The following TMEM132C variants were observed in gnomAD, a reference collection of about 807,000 sequenced individuals.
TMEM132C encodes protein phosphatase 1, regulatory subunit 152.
In TMEM132C, 29 loss-of-function variants were observed where a neutral mutation model predicts 61.4. That is an observed-to-expected ratio of 0.47 (90% CI 0.35 to 0.64). The LOEUF (loss-of-function observed/expected upper bound fraction) is 0.64. Among genes scored for constraint, TMEM132C ranks in the 30% least tolerant of loss-of-function variants. TMEM132C has a pLI of 0.00. For synonymous variants in TMEM132C, 656 were observed against 633.1 expected (o/e 1.04, Z -0.54); for missense variants, 1,408 against 1,476.9 (o/e 0.95, Z 0.76).
intron 1 of TMEM132C, among the ~76,000 whole-genome samples, chr12:128,334,390 C>G (rs2135948047): frequency 6.6e-6 from 1 of 152,310 alleles, no homozygotes; most frequent in African/African-American, 2.4e-5. Context: ...ATTCTCATTC[C>G]TCAGTGCCAG....
intron 2 of TMEM132C, among the ~76,000 whole-genome samples, chr12:128,506,657 G>A (rs1349784052): frequency 6.6e-6 from 1 of 152,152 alleles, no homozygotes; most frequent in African/African-American, 2.4e-5. Flanking sequence ...CCCTTCCTCT[G>A]AAAATGCTGC....
intron 2 of TMEM132C, among the ~76,000 whole-genome samples, chr12:128,470,311 TTTGTC>T: frequency 6.6e-6 from 1 of 152,312 alleles, no homozygotes; most frequent in South Asian, 2.1e-4. Context: ...CAAAGAGGCA[TTTGTC>T]GCGTGTCCTC....
intron 3 of TMEM132C, among the ~76,000 whole-genome samples, chr12:128,591,876 AC>A (rs1875762845): frequency 6.6e-6 from 1 of 151,594 alleles, no homozygotes; most frequent in South Asian, 2.1e-4. Flanking sequence ...ATGTGATGAA[AC>A]CCCATCTCTA....
intron 3 of TMEM132C, among the ~76,000 whole-genome samples, chr12:128,611,324 C>T (rs1876626978): frequency 6.6e-6 from 1 of 152,054 alleles, no homozygotes; most frequent in Non-Finnish European, 1.5e-5. Context: ...TCACTTTTTT[C>T]CTTCCTTCTC....
intron 5 of TMEM132C, among the ~76,000 whole-genome samples, chr12:128,685,497 T>G (rs143130576): frequency 2.6e-5 from 4 of 152,194 alleles, no homozygotes; most frequent in African/African-American, 9.6e-5. Flanking sequence ...ACTGAGAGAT[T>G]GTATTAATAG....
chr12:128,400,957 A>G (rs1875139392), intron 1 of TMEM132C, among the ~76,000 whole-genome samples: 1 of 152,074 alleles, frequency 6.6e-6, no homozygotes, highest in Non-Finnish European at 1.5e-5. Context: ...AGACATTGTA[A>G]AATGTACCCT....
In TMEM132C at chr12:128,343,173, C is replaced by T. The variant is rs1030047618; in HGVS notation, c.86-71559C>T. ...AGGTGCGATGGCTCATGCCTGTAAT[C>T]CCAGCACTTTGGGAGGCCGAGACGG... On this transcript the variant is annotated intron_variant, in intron 1 of 8. Transcript: ENST00000435159. 3.3e-5 allele frequency among the ~76,000 whole-genome samples: 5 copies of T among 152,254 alleles called. No homozygotes were observed. The East Asian group carries it at 9.7e-4, about 29-fold the overall frequency.
chr12:128,556,107 A>AC (rs566274302), intron 3 of TMEM132C, among the ~76,000 whole-genome samples: 20 of 152,282 alleles, frequency 1.3e-4, no homozygotes, highest in Middle Eastern at 3.4e-3. Context: ...GGAGAGGAAC[A>AC]GTTGAGGAGA....
chr12:128,481,553 T>C (rs1346400329), intron 2 of TMEM132C, among the ~76,000 whole-genome samples: 2 of 152,194 alleles, frequency 1.3e-5, no homozygotes, highest in Non-Finnish European at 2.9e-5. Context: ...GCCGTGCGGA[T>C]GAGAGAGCTG....
At chr12:128,304,990 C>T (rs1276860282) in intron 1 of TMEM132C, among the ~76,000 whole-genome samples, 4 of 151,944 alleles carry the variant, frequency 2.6e-5, no homozygotes, top group Admixed American at 1.3e-4. Flanking sequence ...AGAGGAGGGG[C>T]GAGGAAAGGG....
intron 4 of TMEM132C, among the ~76,000 whole-genome samples, chr12:128,620,716 A>C (rs1055489234): frequency 2.0e-5 from 3 of 152,152 alleles, no homozygotes; most frequent in South Asian, 4.2e-4. Flanking sequence ...AAAAGTTTCA[A>C]ATCATTGCCA....
At chr12:128,631,167 G>A (rs369124446) in intron 4 of TMEM132C, among the ~76,000 whole-genome samples, 167 of 152,328 alleles carry the variant, frequency 1.1e-3, no homozygotes, top group South Asian at 7.9e-3. Flanking sequence ...GCTTTTGGTC[G>A]TAATGGTCTG....
chr12:128,328,123 G>T (rs1294448113), intron 1 of TMEM132C, among the ~76,000 whole-genome samples: 1 of 152,044 alleles, frequency 6.6e-6, no homozygotes, highest in Admixed American at 6.6e-5. Context: ...GTGGAGCTTA[G>T]AATTTTATTT....
chr12:128,617,051 A>C (rs1201141002), intron 4 of TMEM132C, among the ~76,000 whole-genome samples: 2 of 152,230 alleles, frequency 1.3e-5, no homozygotes, highest in Non-Finnish European at 1.5e-5. Flanking sequence ...TGTAAGTTTA[A>C]AAGTCTAGAA....
At chr12:128,457,224 C>T (rs1235204715) in intron 2 of TMEM132C, among the ~76,000 whole-genome samples, 3 of 151,120 alleles carry the variant, frequency 2.0e-5, no homozygotes, top group Non-Finnish European at 4.4e-5. Context: ...AGTGGTTTTA[C>T]ACCACTTGGC....
rs141601870 is a variant in TMEM132C at position 128,464,346 on chromosome 12, G to A, written c.974+48726G>A. On this transcript the variant is annotated intron_variant, in intron 2 of 8. Transcript: ENST00000435159. ...TACAGTTGGCCCTCCCCACATCCTA[G>A]TTGGGGGTGGATGATATTCAGCATG... Among the ~76,000 whole-genome samples the A allele has an allele frequency of 9.8e-5, 15 of 152,314 alleles. No homozygotes were observed. The East Asian group carries it at 1.5e-3, about 16-fold the overall frequency.
chr12:128,303,971 A>G (rs1306132238), intron 1 of TMEM132C, among the ~76,000 whole-genome samples: 2 of 152,176 alleles, frequency 1.3e-5, no homozygotes, highest in South Asian at 2.1e-4. Context: ...TTCTTGACCA[A>G]CGAGACCCAA....
rs375117890 is a variant in TMEM132C, at chr12:128,657,357, A to G, written c.1306-12060A>G. On this transcript the variant is annotated intron_variant, in intron 4 of 8. Transcript: ENST00000435159. ...AATATTATCCCAGCAAACAGATTTC[A>G]TCATTGTTTGGTAGCTAGAAAAGCT... is the stretch of plus-strand genomic sequence containing the variant. Among the ~76,000 whole-genome samples the G allele has an allele frequency of 1.1e-3, 170 of 152,314 alleles. 2 individuals are homozygous for G. Among genetic ancestry groups the G allele is most frequent in the African/African-American group, 3.7e-3 (153 of 41,568 alleles).
chr12:128,275,455 T>G (rs181746578), intron 1 of TMEM132C, among the ~76,000 whole-genome samples: 18 of 152,282 alleles, frequency 1.2e-4, no homozygotes, highest in Admixed American at 3.3e-4. Context: ...GCCCCCAAGA[T>G]GGGATGGTCT....
Sources: allele counts gnomAD v4.1 joint callset (sites outside exome capture counted in the v4.1 genomes callset), GRCh38; gene constraint gnomAD v4.1.1; transcripts MANE v1.5; gene names NCBI Gene and HGNC (gene_info 2026-07-23, HGNC 2026-07-21).